The following DOCK10 variants were observed in gnomAD, a reference collection of about 807,000 sequenced individuals.
DOCK10 encodes the protein dedicator of cytokinesis 10.
In DOCK10, 145 loss-of-function variants were observed where a neutral mutation model predicts 280.1. The observed-to-expected ratio is 0.52, with a 90% CI of 0.45 to 0.59. DOCK10 has a LOEUF of 0.59. DOCK10 is among the 20% of genes least tolerant of loss of function. The pLI is 0.00. For missense variants in DOCK10, 2,368 were observed against 2,651.7 expected, an observed-to-expected ratio of 0.89 and a Z score of 2.35; for synonymous variants, 915 against 942.2, an observed-to-expected ratio of 0.97 and a Z score of 0.53.
At chr2:224,806,456 A>G (rs1372134220) in intron 33 of DOCK10, among the ~76,000 whole-genome samples, 1 of 152,216 alleles carries the variant, frequency 6.6e-6, no homozygotes, top group African/African-American at 2.4e-5. Context: ...ACAATGTTGT[A>G]GAAACAATCT....
chr2:224,869,250 A>G (rs1052980464), intron 11 of DOCK10, among the ~76,000 whole-genome samples: 3 of 152,362 alleles, frequency 2.0e-5, no homozygotes, highest in African/African-American at 7.2e-5. Flanking sequence ...TTTATACTAC[A>G]AAACCATCAA....
intron 1 of DOCK10, among the ~76,000 whole-genome samples, chr2:224,975,345 C>T (rs1461446643): frequency 7.9e-5 from 12 of 152,144 alleles, no homozygotes; most frequent in African/African-American, 2.9e-4. Flanking sequence ...TGCTTTAAAG[C>T]TCCATGTTAT....
At chr2:224,911,580 C>G (rs1365975081) in intron 3 of DOCK10, among the ~76,000 whole-genome samples, 4 of 152,076 alleles carry the variant, frequency 2.6e-5, no homozygotes, top group Non-Finnish European at 4.4e-5. Context: ...GCTAACTGGC[C>G]CCTATCTTGA....
Position 224,855,384 on chromosome 2 carries a change from T to C in DOCK10, c.1809-342A>G, listed in dbSNP as rs543594475. 2.0e-5 allele frequency among the ~76,000 whole-genome samples: 3 copies of C among 152,352 alleles called. No homozygotes were observed. In the South Asian group the frequency reaches 6.2e-4, roughly 32 times the overall value. On this transcript the variant is annotated intron_variant, in intron 15 of 55. Transcript: ENST00000258390. ...TAGAGTTTTTATTAACAAAAGCTAA[T>C]AGTATTTAAACTGGCTTAAGTAACA...
chr2:224,804,971 ATATG>A, intron 37 of DOCK10, 83 bp downstream of exon 37: 1 of 1,314,730 alleles, frequency 7.6e-7, no homozygotes, highest in Non-Finnish European at 1.0e-6. Context: ...ATAACTTACT[ATATG>A]GGTTCTTGAA....
intron 18 of DOCK10, among the ~76,000 whole-genome samples, chr2:224,850,660 C>A (rs1696669847): frequency 6.6e-6 from 1 of 152,126 alleles, no homozygotes; most frequent in African/African-American, 2.4e-5. Flanking sequence ...GAATTATAAT[C>A]CCGACATGCC....
At chr2:224,869,068 T>C (rs1264775122) in intron 11 of DOCK10, among the ~76,000 whole-genome samples, 1 of 152,198 alleles carries the variant, frequency 6.6e-6, no homozygotes, top group Non-Finnish European at 1.5e-5. Context: ...CCAGTGAGGA[T>C]TTAACAAAGC....
chr2:224,922,232 A>G (rs1276571838), intron 2 of DOCK10, among the ~76,000 whole-genome samples: 1 of 152,160 alleles, frequency 6.6e-6, no homozygotes, highest in East Asian at 1.9e-4. Context: ...TGAAGCAAAA[A>G]TGAATTGATC....
intron 52 of DOCK10, among the ~76,000 whole-genome samples, chr2:224,774,088 G>C (rs1474738468): frequency 6.6e-6 from 1 of 151,972 alleles, no homozygotes; most frequent in African/African-American, 2.4e-5. Flanking sequence ...CAAAAGTTTT[G>C]GATACATTTA....
intron 33 of DOCK10, among the ~76,000 whole-genome samples, chr2:224,806,731 A>T (rs1693418686): frequency 6.6e-6 from 1 of 152,086 alleles, no homozygotes; most frequent in Non-Finnish European, 1.5e-5. Context: ...TAACCTCCTG[A>T]GTAGCTGGGA....
intron 50 of DOCK10, among the ~76,000 whole-genome samples, chr2:224,781,579 A>G (rs1028791548): frequency 1.3e-5 from 2 of 152,244 alleles, no homozygotes; most frequent in Non-Finnish European, 2.9e-5. Context: ...ACACAGAGTT[A>G]TGAAAACCAG....
intron 27 of DOCK10, among the ~76,000 whole-genome samples, chr2:224,826,740 TATCTATC>T (rs1277564418): frequency 7.6e-4 from 3 of 3,960 alleles, no homozygotes; most frequent in Non-Finnish European, 1.1e-3. Flanking sequence ...TATATATAAT[TATCTATC>T]TATCTATCTA....
At position 224,908,735 on chromosome 2, in the gene DOCK10, G is replaced by A. The variant is rs896536569; in HGVS notation, c.333+7960C>T. On this transcript the variant is annotated intron_variant, in intron 3 of 55. Coordinates refer to ENST00000258390, the MANE Select transcript of DOCK10 (RefSeq NM_014689.3). ...TGGTCTTGAACTCCTGAGATCAAGT[G>A]ATCCTCTTGCCTTGGCTTCCCAAAG... Among the ~76,000 whole-genome samples, 4 of 152,126 alleles carry A rather than the reference G, an allele frequency of 2.6e-5. No individual in the cohort carries two copies. In the South Asian group the frequency reaches 8.3e-4, roughly 32 times the overall value.
intron 1 of DOCK10, among the ~76,000 whole-genome samples, chr2:225,013,004 G>A (rs1056718704): frequency 4.6e-5 from 7 of 152,140 alleles, no homozygotes; most frequent in Admixed American, 3.3e-4. Flanking sequence ...GTCTTTTCCA[G>A]AGTGCTTTGT....
chr2:224,800,264 C>A lies in DOCK10; in HGVS notation c.4394-1G>T. 6.3e-7 allele frequency: 1 copy of A among 1,590,812 alleles called. No homozygotes were observed. The highest frequency in any genetic ancestry group is 1.1e-5 in the South Asian group (1 of 89,408). ...ACGATGTCTATTTCATTGGAGTTGC[C>A]TATAAAATACAAAATAAAACATGCG... On this transcript the variant is annotated splice_acceptor_variant, in intron 40 of 55. Transcript: ENST00000258390. LOFTEE classifies it high-confidence loss of function.
At position 224,969,395 on chromosome 2, in the gene DOCK10, G is replaced by A. The variant is rs1219525156; in HGVS notation, c.124-37727C>T. Among the ~76,000 whole-genome samples, 3 of 152,208 alleles carry A rather than the reference G, an allele frequency of 2.0e-5. No individual in the cohort carries two copies. The South Asian group carries it at 6.2e-4, about 32-fold the overall frequency. On this transcript the variant is annotated intron_variant, in intron 1 of 55. Coordinates refer to ENST00000258390, the MANE Select transcript of DOCK10 (RefSeq NM_014689.3). Reference sequence around the variant, plus strand: ...CTTGGGTGATTCCAAAGGTCCTTACGGTTTTGTGATGAACACATATATGGT... The same window carrying A: ...CTTGGGTGATTCCAAAGGTCCTTACAGTTTTGTGATGAACACATATATGGT...
At chr2:224,958,441 G>T (rs1298991700) in intron 1 of DOCK10, among the ~76,000 whole-genome samples, 3 of 152,172 alleles carry the variant, frequency 2.0e-5, no homozygotes, top group African/African-American at 7.2e-5. Flanking sequence ...CCTTGGTTTG[G>T]ATAAGGATAA....
chr2:224,923,765 T>C (rs1701904929), intron 2 of DOCK10, among the ~76,000 whole-genome samples: 1 of 152,266 alleles, frequency 6.6e-6, no homozygotes, highest in Admixed American at 6.5e-5. Flanking sequence ...TTCCTCATTC[T>C]TTAGAAATCT....
At chr2:224,982,457 T>C (rs1167773030) in intron 1 of DOCK10, 1 of 1,229,100 alleles carries the variant, frequency 8.1e-7, no homozygotes, top group African/African-American at 1.6e-5. Flanking sequence ...CAGCCTACAC[T>C]GCAGCTGCAG....
Sources: gnomAD v4.1 joint callset for allele counts (sites outside exome capture counted in the v4.1 genomes callset) on GRCh38, gnomAD v4.1.1 for gene constraint, MANE v1.5 for transcripts, NCBI Gene and HGNC (gene_info 2026-07-23, HGNC 2026-07-21) for gene names.